Variants in LOXHD1 observed in about 807,000 individuals in gnomAD.
LOXHD1 encodes lipoxygenase homology PLAT domains 1.
A neutral mutation model predicts 248.2 loss-of-function variants in LOXHD1; 205 were observed. The observed-to-expected ratio is 0.83, with a 90% CI of 0.74 to 0.93. LOXHD1 has a LOEUF of 0.93. LOXHD1 is among the 40% of genes least tolerant of loss of function. The pLI is 0.00. For missense variants in LOXHD1, 2,930 were observed against 2,971.6 expected (o/e 0.99, Z 0.33); for synonymous variants, 1,113 against 1,162.8 (o/e 0.96, Z 0.87).
chr18:46,563,004 G>A, intron 18 of LOXHD1, 61 bp downstream of exon 18: 1 of 1,495,336 alleles, frequency 6.7e-7, no homozygotes, highest in Non-Finnish European at 9.0e-7. Flanking sequence ...GTACACCCAG[G>A]GAAGCATCTT....
intron 28 of LOXHD1, among the ~76,000 whole-genome samples, chr18:46,530,521 T>G (rs1238106738): frequency 1.3e-5 from 2 of 152,118 alleles, no homozygotes; most frequent in Non-Finnish European, 2.9e-5. Flanking sequence ...GGAGTGGCAC[T>G]CATCCTGGAC....
intron 40 of LOXHD1, among the ~76,000 whole-genome samples, chr18:46,483,139 C>T (rs1303144820): frequency 6.6e-6 from 1 of 152,160 alleles, no homozygotes; most frequent in African/African-American, 2.4e-5. Context: ...GCAGATGGAC[C>T]ATTGGATTAC....
At chr18:46,593,209 C>A (rs531608206) in intron 10 of LOXHD1, among the ~76,000 whole-genome samples, 1 of 152,168 alleles carries the variant, frequency 6.6e-6, no homozygotes, top group South Asian at 2.1e-4. Context: ...AAAAAAAGTT[C>A]TAAAATTCAT....
intron 28 of LOXHD1, among the ~76,000 whole-genome samples, chr18:46,532,426 A>G (rs1057398560): frequency 2.6e-5 from 4 of 152,202 alleles, no homozygotes; most frequent in African/African-American, 9.7e-5. Context: ...CACATATACA[A>G]TGTAGAAAGA....
chr18:46,628,994 G>A (rs2038783434), intron 4 of LOXHD1, among the ~76,000 whole-genome samples: 1 of 152,174 alleles, frequency 6.6e-6, no homozygotes. Flanking sequence ...TTGAAGATGG[G>A]AAGTATGGGG....
intron 14 of LOXHD1, among the ~76,000 whole-genome samples, chr18:46,574,412 C>CACACAA (rs1221948257): frequency 6.6e-6 from 1 of 151,056 alleles, no homozygotes; most frequent in Non-Finnish European, 1.5e-5. Context: ...CACACACACA[C>CACACAA]ACACACACCT....
intron 12 of LOXHD1, among the ~76,000 whole-genome samples, chr18:46,584,135 A>AT (rs1341271443): frequency 6.6e-6 from 1 of 152,128 alleles, no homozygotes; most frequent in Non-Finnish European, 1.5e-5. Flanking sequence ...CATGTGGAAT[A>AT]TTTTAAAAAA....
intron 1 of LOXHD1, among the ~76,000 whole-genome samples, chr18:46,650,433 G>A (rs937811739): frequency 2.6e-5 from 4 of 152,120 alleles, no homozygotes; most frequent in Non-Finnish European, 4.4e-5. Flanking sequence ...CTTAATAATT[G>A]TAGTAATAAA....
intron 14 of LOXHD1, among the ~76,000 whole-genome samples, chr18:46,574,388 T>TACACACACACACACAC (rs569144159): frequency 0.089 from 11,092 of 125,068 alleles, 630 homozygotes; most frequent in Middle Eastern, 0.13. Context: ...TGTGTACACA[T>TACACACACACACACAC]ACACACACAC....
At chr18:46,494,656 A>G (rs2033712233) in intron 37 of LOXHD1, among the ~76,000 whole-genome samples, 1 of 152,100 alleles carries the variant, frequency 6.6e-6, no homozygotes, top group South Asian at 2.1e-4. Flanking sequence ...CATATCCACC[A>G]AACTGAACAC....
intron 15 of LOXHD1, among the ~76,000 whole-genome samples, chr18:46,571,722 A>G (rs1323131552): frequency 3.9e-5 from 6 of 152,224 alleles, no homozygotes; most frequent in Admixed American, 2.0e-4. Context: ...GAAAACTCTA[A>G]GGCCTCCAAG....
chr18:46,580,803 G>C (rs1031909671), intron 12 of LOXHD1, among the ~76,000 whole-genome samples: 1 of 152,190 alleles, frequency 6.6e-6, no homozygotes, highest in Non-Finnish European at 1.5e-5. Context: ...ACTGCAAAGA[G>C]GTAATGTGTG....
rs565090912 is a variant in LOXHD1 at position 46,503,135 on chromosome 18, A to T, written c.5878+2703T>A. Among the ~76,000 whole-genome samples, 16 of 152,358 alleles carry T rather than the reference A, an allele frequency of 1.1e-4. No homozygotes were observed. In the South Asian group the frequency reaches 3.3e-3, roughly 32 times the overall value. On this transcript the variant is annotated intron_variant, in intron 37 of 40. Coordinates refer to ENST00000642948, the MANE Select transcript of LOXHD1 (RefSeq NM_001384474.1). Reference sequence around the variant, plus strand: ...AGGCATGATTCCTATCCTCAAAGGCAGTGACATCTTGCCAGTGTGTGCTGG... The same window carrying T: ...AGGCATGATTCCTATCCTCAAAGGCTGTGACATCTTGCCAGTGTGTGCTGG...
At position 46,560,093 on chromosome 18, in the gene LOXHD1, C is replaced by T. The variant is rs559055540; in HGVS notation, c.3051G>A (p.Pro1017=). 16 of 1,549,558 alleles carry T rather than the reference C, an allele frequency of 1.0e-5. No individual in the cohort carries two copies. The highest frequency in any genetic ancestry group is 5.5e-5 in the African/African-American group (4 of 72,574). ...LVVELVPAGK[P]GPERNTYEVQ... is the part of the protein sequence containing the mutation. The stretch of plus-strand genomic sequence containing the variant: ...CCACGACCCACTTACGCTCAGGACC[C>T]GGCTTGCCAGCTGGCACCAACTCCA... Residue 1017 remains proline (P), a synonymous_variant, in exon 19 of 41, where the codon CCG becomes CCA. Transcript: ENST00000642948.
At chr18:46,569,825 T>C (rs893648477) in intron 15 of LOXHD1, among the ~76,000 whole-genome samples, 187 bp from the exon 16 acceptor site, 1 of 152,218 alleles carries the variant, frequency 6.6e-6, no homozygotes, top group Admixed American at 6.5e-5. Flanking sequence ...TCCATCTCTG[T>C]GAGGTCTCCT....
intron 37 of LOXHD1, among the ~76,000 whole-genome samples, chr18:46,496,836 C>G (rs507411): frequency 1.3e-5 from 2 of 152,278 alleles, no homozygotes; most frequent in African/African-American, 4.8e-5. Flanking sequence ...AACCCCGCCT[C>G]TACTACAAAT....
In LOXHD1 at chr18:46,559,175, G is replaced by A. The variant is rs1396439091; in HGVS notation, c.3216+273C>T. 4 of 1,430,144 alleles carry A rather than the reference G, an allele frequency of 2.8e-6. No individual in the cohort carries two copies. The South Asian group carries it at 3.6e-5, about 13-fold the overall frequency. The allele number at this position is 1,430,144 out of a possible 1,614,324, so 88.6% of individuals were successfully genotyped here. ...TTGAACCCCCGCATCCCTACCAAGT[G>A]CCTCAGCATCTGCCACTCAACGCCA... On this transcript the variant is annotated intron_variant, in intron 20 of 40. Coordinates refer to ENST00000642948, the MANE Select transcript of LOXHD1 (RefSeq NM_001384474.1).
chr18:46,636,975 A>G (rs1003667638), intron 4 of LOXHD1, among the ~76,000 whole-genome samples: 2 of 152,120 alleles, frequency 1.3e-5, no homozygotes, highest in Admixed American at 1.3e-4. Flanking sequence ...AAGAAACTCC[A>G]TCTCCACTGA....
chr18:46,614,913 T>C (rs890095693), intron 5 of LOXHD1, among the ~76,000 whole-genome samples: 3 of 152,182 alleles, frequency 2.0e-5, no homozygotes, highest in African/African-American at 7.2e-5. Context: ...ATTTCTTAAA[T>C]ATTTGTTAGA....
Sources: allele counts gnomAD v4.1 joint callset (sites outside exome capture counted in the v4.1 genomes callset), GRCh38; gene constraint gnomAD v4.1.1; transcripts MANE v1.5; gene names NCBI Gene and HGNC (gene_info 2026-07-23, HGNC 2026-07-21).